The following WDR72 variants were observed in gnomAD, a reference collection of about 807,000 sequenced individuals.
WDR72 encodes the protein WD repeat domain 72, also known as WD repeat-containing protein 72.
WDR72 carries 120 observed loss-of-function variants against 124.2 expected under a neutral mutation model. The ratio of observed to expected loss-of-function variants is 0.97; its 90% CI spans 0.83 to 1.12. WDR72 has a LOEUF of 1.12. WDR72 is among the 50% of genes most tolerant of loss of function. The pLI is 0.00. For missense variants in WDR72, 1,387 were observed against 1,278.8 expected (o/e 1.08, Z -1.29); for synonymous variants, 452 against 441.7 (o/e 1.02, Z -0.29).
intron 1 of WDR72, among the ~76,000 whole-genome samples, chr15:53,736,737 T>A (rs1421944119): frequency 6.6e-6 from 1 of 151,990 alleles, no homozygotes; most frequent in Admixed American, 6.6e-5. Context: ...TATTAGGCAG[T>A]GGACAGGTCC....
Position 53,722,840 on chromosome 15 carries a change from G to C in WDR72, c.222C>G (p.Phe74Leu). 6.2e-7 allele frequency: 1 copy of C among 1,614,098 alleles called. No individual in the cohort carries two copies. The highest frequency in any genetic ancestry group is 8.5e-7 in the Non-Finnish European group (1 of 1,180,006). Reference protein sequence around the residue: ...SVTCLARARDFSKQPYIVSAA... With the variant: ...SVTCLARARDLSKQPYIVSAA... ...CACTAACAATGTAGGGCTGTTTAGA[G>C]AAGTCCCTTGCTCTTGCCAAACATG... The change falls in exon 3 of 20, where the codon TTC (phenylalanine) becomes TTG (leucine). Residue 74 changes from phenylalanine to leucine, a missense_variant. By Grantham distance (22) the Phe-to-Leu change is conservative (BLOSUM62 0). Coordinates refer to ENST00000360509, the MANE Select transcript of WDR72 (RefSeq NM_182758.4).
intron 18 of WDR72, among the ~76,000 whole-genome samples, chr15:53,558,194 T>G (rs1893999226): frequency 6.6e-6 from 1 of 152,078 alleles, no homozygotes; most frequent in Admixed American, 6.6e-5. Context: ...CAATATTAAT[T>G]TTAACATTTT....
chr15:53,708,225 C>A (rs1421256783), intron 9 of WDR72, among the ~76,000 whole-genome samples: 1 of 152,142 alleles, frequency 6.6e-6, no homozygotes, highest in Non-Finnish European at 1.5e-5. Context: ...TAAAACATAG[C>A]CATTAGCACT....
intron 14 of WDR72, among the ~76,000 whole-genome samples, chr15:53,655,230 CAAAAAAAAAA>C (rs531072099): frequency 7.5e-4 from 41 of 54,616 alleles, no homozygotes; most frequent in South Asian, 3.0e-3. Context: ...GATGCCATCT[CAAAAAAAAAA>C]AAAAAAAAAA....
At chr15:53,740,754 T>A (rs2018488570) in intron 1 of WDR72, among the ~76,000 whole-genome samples, 1 of 152,206 alleles carries the variant, frequency 6.6e-6, no homozygotes, top group Non-Finnish European at 1.5e-5. Flanking sequence ...TTAAGCTCTG[T>A]ATACCAAAAG....
rs754909301 is a variant in WDR72 at position 53,609,574 on chromosome 15, A to T, written c.2891T>A (p.Val964Glu). Residue 964 changes from valine (V) to glutamate (E), a missense_variant, in exon 17 of 20, where the codon GTA (valine) becomes GAA (glutamate). Physicochemically the swap from Val to Glu is moderately radical, Grantham distance 121. Transcript: ENST00000360509. ...CAAAAGTGAAAGGTCAGCCTCAGGT[A>T]CATGGGATTCATTCTTACCTAGAAA... ...CLRNGKNESH[V>E]PEADLSLLKL... 3 of 1,613,390 alleles carry T rather than the reference A, an allele frequency of 1.9e-6. No individual in the cohort carries two copies. The highest frequency in any genetic ancestry group is 2.7e-5 in the African/African-American group (2 of 74,912).
intron 19 of WDR72, 24 bp downstream of exon 19, chr15:53,523,194 T>G (rs761378880): frequency 6.2e-7 from 1 of 1,606,580 alleles, no homozygotes; most frequent in African/African-American, 1.3e-5. Flanking sequence ...ATTTTATACT[T>G]GACTATTTTT....
chr15:53,716,617 G>T lies in WDR72; in HGVS notation c.329C>A (p.Thr110Asn), dbSNP rs1295955418. The T allele has an allele frequency of 5.6e-6, 9 of 1,606,676 alleles. No individual in the cohort carries two copies. The highest frequency in any genetic ancestry group is 7.7e-6 in the Non-Finnish European group (9 of 1,173,322). ...AGTGAGTGTACTTACACAGATTGCA[G>T]TGTGCCTGTAAGGAAGTGTAGCCTT... The part of the protein sequence containing the change: ...MEKATLPYRH[T>N]AICYYHCSFR... Residue 110 changes from threonine (T) to asparagine (N), a missense_variant, in exon 4 of 20, where the codon ACT becomes AAT. Thr to Asn is a moderately conservative substitution (Grantham distance 65, BLOSUM62 0). Coordinates refer to ENST00000360509, the MANE Select transcript of WDR72 (RefSeq NM_182758.4).
At chr15:53,613,848 A>T (rs2013650251) in intron 15 of WDR72, 91 bp from the exon 16 acceptor site, 1 of 809,126 alleles carries the variant, frequency 1.2e-6, no homozygotes, top group Non-Finnish European at 2.1e-6. Context: ...TGACCACTTT[A>T]GCAAATTTGG....
chr15:53,618,917 C>A (rs1411539348), intron 14 of WDR72, among the ~76,000 whole-genome samples: 1 of 151,940 alleles, frequency 6.6e-6, no homozygotes, highest in Non-Finnish European at 1.5e-5. Context: ...TTTTTCAACT[C>A]TTTTGTCTTT....
chr15:53,544,473 A>G (rs1385637348), intron 18 of WDR72, among the ~76,000 whole-genome samples: 2 of 135,994 alleles, frequency 1.5e-5, no homozygotes, highest in East Asian at 2.1e-4. Flanking sequence ...CCTTCATGCT[A>G]AAAACTCTCA....
At chr15:53,708,850 C>A (rs1045956058) in intron 9 of WDR72, among the ~76,000 whole-genome samples, 7 of 152,124 alleles carry the variant, frequency 4.6e-5, no homozygotes, top group Admixed American at 3.3e-4. Context: ...TAGCCAGGAC[C>A]CCTGCACCAC....
chr15:53,695,442 C>T (rs907272985), intron 13 of WDR72, among the ~76,000 whole-genome samples: 3 of 152,162 alleles, frequency 2.0e-5, no homozygotes, highest in Admixed American at 1.3e-4. Flanking sequence ...GCAATGAGGG[C>T]GACCAAGCCG....
At chr15:53,631,552 C>T (rs1456122893) in intron 14 of WDR72, among the ~76,000 whole-genome samples, 2 of 152,074 alleles carry the variant, frequency 1.3e-5, no homozygotes, top group Non-Finnish European at 2.9e-5. Context: ...GTATGGAGGC[C>T]TCAGAAGAAG....
intron 18 of WDR72, among the ~76,000 whole-genome samples, chr15:53,590,543 G>C (rs2012444325): frequency 1.3e-5 from 2 of 151,868 alleles, no homozygotes; most frequent in African/African-American, 4.8e-5. Context: ...ACATTTTTCT[G>C]TAACTGTCAT....
intron 13 of WDR72, among the ~76,000 whole-genome samples, chr15:53,667,106 C>G (rs1011075740): frequency 6.6e-6 from 1 of 152,142 alleles, no homozygotes; most frequent in African/African-American, 2.4e-5. Flanking sequence ...AATCCCAGCA[C>G]TTTTGGAGCC....
rs146753012 is a variant in WDR72 at position 53,626,748 on chromosome 15, G to A, written c.1963-10505C>T. Among the ~76,000 whole-genome samples, 1,491 of 152,190 alleles carry A rather than the reference G, an allele frequency of 9.8e-3. 34 individuals are homozygous for A. The highest frequency in any genetic ancestry group is 0.034 in the African/African-American group (1,417 of 41,512). ...AGCTCTCCTTACTATCTGATTGGTC[G>A]GGTGTGAGCTAAGTTGCAAGCTCCA... On this transcript the variant is annotated intron_variant, in intron 14 of 19. Coordinates refer to ENST00000360509, the MANE Select transcript of WDR72 (RefSeq NM_182758.4).
At chr15:53,718,668 T>C (rs1477988527) in intron 3 of WDR72, among the ~76,000 whole-genome samples, 2 of 143,888 alleles carry the variant, frequency 1.4e-5, no homozygotes, top group African/African-American at 5.9e-5. Context: ...ACATAATCTT[T>C]TCATTTTCTG....
chr15:53,758,681 G>T (rs1107730), intron 1 of WDR72, among the ~76,000 whole-genome samples: 46,347 of 149,324 alleles, frequency 0.31, 7,800 homozygotes, highest in South Asian at 0.46. Context: ...ATGGGAAGGG[G>T]TGGAGGAAAA....
Sources: gnomAD v4.1 joint callset for allele counts (sites outside exome capture counted in the v4.1 genomes callset) on GRCh38, gnomAD v4.1.1 for gene constraint, MANE v1.5 for transcripts, NCBI Gene and HGNC (gene_info 2026-07-23, HGNC 2026-07-21) for gene names.